Variants in SPRTN observed in about 807,000 individuals in gnomAD.
SPRTN encodes the protein SprT-like N-terminal domain.
A neutral mutation model predicts 31.9 loss-of-function variants in SPRTN; 11 were observed. The observed-to-expected ratio is 0.34, with a 90% CI of 0.22 to 0.57. SPRTN has a LOEUF of 0.57. Among genes scored for constraint, SPRTN ranks in the 20% least tolerant of loss-of-function variants. The probability of loss-of-function intolerance (pLI) is 0.86; values close to 1 mark genes in which losing one functional copy is unlikely to be tolerated. For synonymous variants in SPRTN, 185 were observed against 212.1 expected (o/e 0.87, Z 1.11); for missense variants, 482 against 590.1 (o/e 0.82, Z 1.90).
intron 2 of SPRTN, among the ~76,000 whole-genome samples, chr1:231,345,395 G>A (rs935429148): frequency 2.2e-4 from 33 of 151,976 alleles, no homozygotes; most frequent in African/African-American, 7.7e-4. Context: ...CCCAAAGTGC[G>A]GGGATTACAG....
rs1056244601 is a variant in SPRTN at position 231,338,701 on chromosome 1, C to T, written c.221+97C>T. The T allele has an allele frequency of 2.8e-6, 4 of 1,437,276 alleles. No homozygotes were observed. The South Asian group carries it at 3.7e-5, about 13-fold the overall frequency. The allele number at this position is 1,437,276 out of a possible 1,614,324, so 89.0% of individuals were successfully genotyped here. The stretch of plus-strand genomic sequence containing the variant: ...TCTCCTTTCTCTAGTCCGACGGTCC[C>T]AGGGGGCGTTAAATGAGGGGAGTCT... On this transcript the variant is annotated intron_variant, in intron 1 of 4. Coordinates refer to ENST00000295050, the MANE Select transcript of SPRTN (RefSeq NM_032018.7).
Position 231,353,455 on chromosome 1 carries a change from G to C in SPRTN, c.*94G>C. ...GTTCTGGTTAATACTAAGATTTGTA[G>C]GTTATAATCTAGTTCACATAACCAA... On this transcript the variant is annotated 3_prime_UTR_variant, in exon 5 of 5. Coordinates refer to ENST00000295050, the MANE Select transcript of SPRTN (RefSeq NM_032018.7). 6.8e-7 allele frequency: 1 copy of C among 1,467,304 alleles called. No individual in the cohort carries two copies. The highest frequency in any genetic ancestry group is 8.9e-7 in the Non-Finnish European group (1 of 1,117,958). The allele number at this position is 1,467,304 out of a possible 1,614,324, so 90.9% of individuals were successfully genotyped here. A position where few individuals can be genotyped will look rare whatever the true frequency, so the allele number is the denominator to read the frequency against.
chr1:231,340,047 T>TAC (rs1553343397), intron 2 of SPRTN, 179 bp downstream of exon 2: 1 of 281,252 alleles, frequency 3.6e-6, no homozygotes, highest in East Asian at 7.0e-5. Context: ...TGCTTCATAG[T>TAC]AAAAAAAAAA....
intron 1 of SPRTN, 33 bp from the exon 2 acceptor site, chr1:231,339,736 A>T (rs200071813): frequency 1.2e-6 from 2 of 1,611,068 alleles, no homozygotes; most frequent in Non-Finnish European, 1.7e-6. Flanking sequence ...TATTTGGCCA[A>T]TGTAACACAT....
At chr1:231,351,632 C>A in intron 4 of SPRTN, 61 bp downstream of exon 4, 1 of 1,577,744 alleles carries the variant, frequency 6.3e-7, no homozygotes, top group Admixed American at 1.8e-5. Flanking sequence ...AAAGACAATA[C>A]TGTCCTTCAG....
chr1:231,339,018 G>C (rs147154716), intron 1 of SPRTN, among the ~76,000 whole-genome samples: 3 of 152,158 alleles, frequency 2.0e-5, no homozygotes, highest in Admixed American at 2.0e-4. Context: ...CTCTATTCCC[G>C]TTAGGAAACC....
At chr1:231,343,035 C>T (rs1057506823) in intron 2 of SPRTN, among the ~76,000 whole-genome samples, 4 of 152,132 alleles carry the variant, frequency 2.6e-5, no homozygotes, top group African/African-American at 9.7e-5. Context: ...CCACACCTGG[C>T]CAAGACTATA....
At chr1:231,346,920 C>A (rs545762591) in intron 2 of SPRTN, among the ~76,000 whole-genome samples, 2 of 148,030 alleles carry the variant, frequency 1.4e-5, no homozygotes, top group Admixed American at 1.4e-4. Context: ...CCAGCCTGGG[C>A]AACAGAGTAA....
chr1:231,344,708 GA>G, intron 2 of SPRTN: 7 of 330,866 alleles, frequency 2.1e-5, no homozygotes, highest in South Asian at 1.0e-4. Flanking sequence ...GGAGGATCAT[GA>G]AAAAGGTATG....
intron 3 of SPRTN, 137 bp from the exon 4 acceptor site, chr1:231,351,167 T>C (rs551601406): frequency 4.6e-6 from 5 of 1,085,412 alleles, no homozygotes; most frequent in Non-Finnish European, 5.6e-6. Flanking sequence ...TCTCCTAAAA[T>C]AGAACTTTTC....
At position 231,352,846 on chromosome 1, in the gene SPRTN, G is replaced by A; in HGVS notation, c.955G>A (p.Ala319Thr). 6.2e-7 allele frequency: 1 copy of A among 1,614,014 alleles called. No individual in the cohort carries two copies. Among genetic ancestry groups the A allele is most frequent in the Non-Finnish European group, 8.5e-7 (1 of 1,179,962 alleles). The change falls in exon 5 of 5, where the codon GCT becomes ACT. Residue 319 changes from alanine (A) to threonine (T), a missense_variant. Transcript: ENST00000295050. The stretch of plus-strand genomic sequence containing the variant: ...TAAAAATTCTCATCTGGTCTCCCCT[G>A]CTGTTAGTAACAGTCACCAAAATGT... ...SSKNSHLVSP[A>T]VSNSHQNVLS...
intron 3 of SPRTN, among the ~76,000 whole-genome samples, chr1:231,350,161 TC>T (rs1687182699): frequency 6.6e-6 from 1 of 152,232 alleles, no homozygotes; most frequent in African/African-American, 2.4e-5. Flanking sequence ...TAATGTGCAT[TC>T]TTTGCATGCT....
At chr1:231,351,697 T>C (rs1369949119) in intron 4 of SPRTN, 126 bp downstream of exon 4, 2 of 1,482,498 alleles carry the variant, frequency 1.3e-6, no homozygotes, top group African/African-American at 2.8e-5. Flanking sequence ...AGTCTTCAAG[T>C]GTAGACTTAA....
intron 2 of SPRTN, 95 bp downstream of exon 2, chr1:231,339,963 A>G (rs1363769470): frequency 5.9e-6 from 7 of 1,190,090 alleles, no homozygotes; most frequent in Non-Finnish European, 8.6e-6. Flanking sequence ...GTATCGTTAA[A>G]AAAAGTCACT....
At chr1:231,338,885 A>G (rs1322758385) in intron 1 of SPRTN, among the ~76,000 whole-genome samples, 1 of 152,238 alleles carries the variant, frequency 6.6e-6, no homozygotes, top group East Asian at 1.9e-4. Flanking sequence ...TCACTTGAAA[A>G]TAACAAGTTC....
At chr1:231,347,088 C>G (rs1185085507) in intron 2 of SPRTN, among the ~76,000 whole-genome samples, 2 of 152,118 alleles carry the variant, frequency 1.3e-5, no homozygotes, top group Non-Finnish European at 2.9e-5. Flanking sequence ...TTTGAGTACC[C>G]CTTCTCTGAA....
In SPRTN at chr1:231,353,444, T is replaced by C. The variant is rs1456953194; in HGVS notation, c.*83T>C. Reference sequence around the variant, plus strand: ...CCAGTCAGGAAGTTCTGGTTAATACTAAGATTTGTAGGTTATAATCTAGTT... The same window carrying C: ...CCAGTCAGGAAGTTCTGGTTAATACCAAGATTTGTAGGTTATAATCTAGTT... On this transcript the variant is annotated 3_prime_UTR_variant, in exon 5 of 5. Transcript: ENST00000295050. 6.1e-6 allele frequency: 9 copies of C among 1,482,246 alleles called. No individual in the cohort carries two copies. The highest frequency in any genetic ancestry group is 8.0e-6 in the Non-Finnish European group (9 of 1,125,422). 91.8% of individuals were successfully genotyped at this position (1,482,246 alleles called of 1,614,324 possible).
chr1:231,339,808 G>A lies in SPRTN; in HGVS notation c.261G>A (p.Met87Ile), dbSNP rs1686809123. 2 of 1,614,032 alleles carry A rather than the reference G, an allele frequency of 1.2e-6. No homozygotes were observed. The highest frequency in any genetic ancestry group is 1.7e-6 in the Non-Finnish European group (2 of 1,180,026). Residue 87 changes from methionine (M) to isoleucine (I), a missense_variant, in exon 2 of 5, where the codon ATG becomes ATA. Physicochemically the swap from Met to Ile is conservative, Grantham distance 10. Around this residue, in one of 2 missense-constraint regions of SPRTN, gnomAD observed 157 missense variants for 239.9 expected, o/e 0.65. Coordinates refer to ENST00000295050, the MANE Select transcript of SPRTN (RefSeq NM_032018.7). ...GCAGCTATGAAGGGAAGGGTGGAAT[G>A]TGTTCCATCCGTCTCAGCGAACCCC... The part of the protein sequence containing the change: ...GICSYEGKGG[M>I]CSIRLSEPLL...
chr1:231,351,368 C>T lies in SPRTN; in HGVS notation c.515C>T (p.Pro172Leu), dbSNP rs201636359. 4 of 1,614,040 alleles carry T rather than the reference C, an allele frequency of 2.5e-6. No individual in the cohort carries two copies. The highest frequency in any genetic ancestry group is 1.1e-5 in the South Asian group (1 of 91,078). ...CGACACTGGTGGCGCTGCAATGGGC[C>T]GTGCCAGCACAGGCCACCGTATTAC... ...YRRHWWRCNGPCQHRPPYYGY... is the reference protein window; with the variant it reads ...YRRHWWRCNGLCQHRPPYYGY... Residue 172 changes from proline to leucine, a missense_variant, in exon 4 of 5, where the codon CCG (proline) becomes CTG (leucine). Physicochemically the swap from Pro to Leu is moderately conservative, Grantham distance 98. Transcript: ENST00000295050.
Sources: gnomAD v4.1 joint callset for allele counts (sites outside exome capture counted in the v4.1 genomes callset) on GRCh38, gnomAD v4.1.1 for gene constraint, gnomAD v4.1.1 regional missense constraint, MANE v1.5 for transcripts, NCBI Gene and HGNC (gene_info 2026-07-23, HGNC 2026-07-21) for gene names.